CSE1L: variants seen among roughly 807,000 people sequenced by gnomAD.
CSE1L encodes the protein chromosome segregation 1 like.
In CSE1L, 24 loss-of-function variants were observed where a neutral mutation model predicts 120.4. The observed-to-expected ratio is 0.20, with a 90% CI of 0.14 to 0.28. CSE1L has a LOEUF of 0.28. Among genes scored for constraint, CSE1L ranks in the 10% least tolerant of loss-of-function variants. The probability of loss-of-function intolerance (pLI) is 1.00; values close to 1 mark genes in which losing one functional copy is unlikely to be tolerated. For synonymous variants in CSE1L, 402 were observed against 398.3 expected (o/e 1.01, Z -0.11); for missense variants, 830 against 1,145.2 (o/e 0.72, Z 3.97).
intron 22 of CSE1L, among the ~76,000 whole-genome samples, chr20:49,093,813 G>A (rs2092119736): frequency 6.6e-6 from 1 of 151,498 alleles, no homozygotes; most frequent in African/African-American, 2.4e-5. Flanking sequence ...CCTACTCAGG[G>A]GGCTGAGGCA....
At chr20:49,057,523 A>G (rs1051755042) in intron 1 of CSE1L, among the ~76,000 whole-genome samples, 1 of 144,892 alleles carries the variant, frequency 6.9e-6, no homozygotes, top group African/African-American at 2.6e-5. Context: ...GCACCATCTC[A>G]GCTCACTGCA....
intron 1 of CSE1L, among the ~76,000 whole-genome samples, chr20:49,052,278 G>C (rs1019475026): frequency 2.6e-5 from 4 of 152,228 alleles, no homozygotes; most frequent in Non-Finnish European, 5.9e-5. Flanking sequence ...TGAGCATACA[G>C]ACGAAAGTCC....
At chr20:49,093,557 C>T (rs1568789678) in intron 22 of CSE1L, among the ~76,000 whole-genome samples, 1 of 142,476 alleles carries the variant, frequency 7.0e-6, no homozygotes, top group Non-Finnish European at 1.5e-5. Context: ...CCTCCTTGCT[C>T]CTCTCTCTTT....
At chr20:49,078,063 A>G (rs1316925613) in intron 13 of CSE1L, among the ~76,000 whole-genome samples, 2 of 152,226 alleles carry the variant, frequency 1.3e-5, no homozygotes. Context: ...AGATCCAGAT[A>G]TATTCCTTTT....
At chr20:49,048,415 T>C (rs1464236595) in intron 1 of CSE1L, among the ~76,000 whole-genome samples, 1 of 152,182 alleles carries the variant, frequency 6.6e-6, no homozygotes, top group African/African-American at 2.4e-5. Flanking sequence ...AAAACAAAAA[T>C]GGACAAGGTC....
chr20:49,074,671 G>C, intron 10 of CSE1L, 114 bp from the exon 11 acceptor site: 1 of 717,306 alleles, frequency 1.4e-6, no homozygotes, highest in Non-Finnish European at 2.3e-6. Flanking sequence ...CATCTGATGG[G>C]AACGAATTCT....
At chr20:49,094,071 C>A in intron 22 of CSE1L, 69 bp from the exon 23 acceptor site, 1 of 957,910 alleles carries the variant, frequency 1.0e-6, no homozygotes, top group Non-Finnish European at 1.5e-6. Flanking sequence ...AAGTAACTAA[C>A]ATCTAAGCAT....
chr20:49,095,387 C>T (rs186608176), intron 24 of CSE1L, among the ~76,000 whole-genome samples: 5 of 152,008 alleles, frequency 3.3e-5, no homozygotes, highest in African/African-American at 7.2e-5. Context: ...TGCAGTAGTA[C>T]GATTATGGCT....
At chr20:49,076,522 T>C (rs371470273) in intron 12 of CSE1L, among the ~76,000 whole-genome samples, 73 of 99,074 alleles carry the variant, frequency 7.4e-4, no homozygotes, top group African/African-American at 2.2e-3. Flanking sequence ...CTCTCTCTCT[T>C]TTTTTTTTTT....
chr20:49,082,034 T>G (rs1188853309), intron 14 of CSE1L, among the ~76,000 whole-genome samples: 1 of 152,212 alleles, frequency 6.6e-6, no homozygotes, highest in Non-Finnish European at 1.5e-5. Flanking sequence ...AGTGCTTTTC[T>G]TACGCTTTCA....
intron 14 of CSE1L, among the ~76,000 whole-genome samples, chr20:49,078,895 T>C (rs2091989187): frequency 6.6e-6 from 1 of 152,210 alleles, no homozygotes; most frequent in Non-Finnish European, 1.5e-5. Flanking sequence ...GGTCCTTCTC[T>C]GCCACTTTTT....
Position 49,085,359 on chromosome 20 carries a change from T to G in CSE1L, c.1696T>G (p.Ser566Ala), listed in dbSNP as rs200007210. 3.7e-6 allele frequency: 6 copies of G among 1,613,826 alleles called. No homozygotes were observed. In the East Asian group the frequency reaches 1.3e-4, roughly 36 times the overall value. Residue 566 changes from serine to alanine, a missense_variant, in exon 16 of 25, where the codon TCT becomes GCT. By Grantham distance (99) the Ser-to-Ala change is moderately conservative. This residue lies in a region of CSE1L where 168 missense variants were observed against 267.9 expected (regional missense o/e 0.63). Coordinates refer to ENST00000262982, the MANE Select transcript of CSE1L (RefSeq NM_001316.4). ...NLFKALTLPG[S>A]SENEYIMKAI... Reference sequence around the variant, plus strand: ...TTTCAAAGCTCTCACACTTCCTGGCTCTTCAGAAAATGAATATATTATGAA... The same window carrying G: ...TTTCAAAGCTCTCACACTTCCTGGCGCTTCAGAAAATGAATATATTATGAA...
chr20:49,051,382 T>G (rs2091765159), intron 1 of CSE1L, among the ~76,000 whole-genome samples: 1 of 129,708 alleles, frequency 7.7e-6, no homozygotes, highest in Admixed American at 7.1e-5. Context: ...GCATCTTTAC[T>G]GTATATAAAA....
intron 1 of CSE1L, among the ~76,000 whole-genome samples, chr20:49,053,765 A>G (rs543165645): frequency 2.0e-5 from 3 of 152,308 alleles, no homozygotes; most frequent in African/African-American, 7.2e-5. Flanking sequence ...AAGGAGTTCT[A>G]TAGCCAAATA....
chr20:49,080,443 T>G (rs1254128049), intron 14 of CSE1L, among the ~76,000 whole-genome samples: 6 of 152,070 alleles, frequency 3.9e-5, no homozygotes, highest in Admixed American at 6.6e-5. Flanking sequence ...GAACGTTACA[T>G]TGTCAACATT....
intron 13 of CSE1L, among the ~76,000 whole-genome samples, chr20:49,077,888 C>T (rs1490520372): frequency 6.6e-6 from 1 of 151,948 alleles, no homozygotes; most frequent in Non-Finnish European, 1.5e-5. Context: ...CCTGTAATCC[C>T]AGCTATTTGG....
In CSE1L at chr20:49,060,184, TAAA is replaced by T. The variant is rs397839598; in HGVS notation, c.85+1651_85+1653del. Among the ~76,000 whole-genome samples the T allele has an allele frequency of 5.4e-3, 723 of 133,440 alleles. 4 individuals are homozygous for T. Among genetic ancestry groups the T allele is most frequent in the African/African-American group, 0.017 (623 of 36,058 alleles). The allele number at this position is 133,440 out of a possible 152,430, so 87.5% of individuals were successfully genotyped here. On this transcript the variant is annotated intron_variant, in intron 2 of 24. Coordinates refer to ENST00000262982, the MANE Select transcript of CSE1L (RefSeq NM_001316.4). ...TGGGTGACAGAGGGAAATCTTGTCT[TAAA>T]AAAAAAAAAAAAAAGGCCAGGTGCA...
chr20:49,096,062 C>T (rs749204703), intron 24 of CSE1L: 7 of 535,942 alleles, frequency 1.3e-5, no homozygotes, highest in Non-Finnish European at 1.4e-5. Context: ...AGACATCATA[C>T]GTTTCACGCG....
intron 1 of CSE1L, among the ~76,000 whole-genome samples, chr20:49,047,557 C>CTTT (rs1568757216): frequency 1.0e-5 from 1 of 98,294 alleles, no homozygotes; most frequent in Non-Finnish European, 2.1e-5. Context: ...TTTTTCTTTT[C>CTTT]TCTTTTCTTT....
Sources: allele counts gnomAD v4.1 joint callset (sites outside exome capture counted in the v4.1 genomes callset), GRCh38; gene constraint gnomAD v4.1.1; regional missense constraint gnomAD v4.1.1; transcripts MANE v1.5; gene names NCBI Gene and HGNC (gene_info 2026-07-23, HGNC 2026-07-21).